Variants in FOXP2 observed in about 807,000 individuals in gnomAD.
FOXP2 encodes forkhead box protein P2.
FOXP2 carries 12 observed loss-of-function variants against 115.8 expected under a neutral mutation model. The observed-to-expected ratio is 0.10, with a 90% CI of 0.07 to 0.17. FOXP2 has a LOEUF of 0.17. Among genes scored for constraint, FOXP2 ranks in the 10% least tolerant of loss-of-function variants. The pLI is 1.00. For missense variants in FOXP2, 629 were observed against 843.5 expected (o/e 0.75, Z 3.15); for synonymous variants, 328 against 297.7 (o/e 1.10, Z -1.05).
At chr7:114,662,863 A>G (rs1806949795) in intron 14 of FOXP2, among the ~76,000 whole-genome samples, 1 of 152,148 alleles carries the variant, frequency 6.6e-6, no homozygotes, top group Admixed American at 6.6e-5. Context: ...AACTCCATGT[A>G]GAATTTACTT....
intron 1 of FOXP2, among the ~76,000 whole-genome samples, chr7:114,170,643 G>T (rs1203369380): frequency 1.3e-5 from 2 of 152,190 alleles, no homozygotes; most frequent in African/African-American, 4.8e-5. Flanking sequence ...AAGTTTTAGT[G>T]GTCTGGAGAA....
intron 1 of FOXP2, among the ~76,000 whole-genome samples, chr7:114,102,108 A>G (rs915455106): frequency 3.9e-5 from 6 of 151,992 alleles, no homozygotes; most frequent in Middle Eastern, 3.4e-3. Context: ...TCTCATTTTG[A>G]GCATTTATTA....
At chr7:114,137,732 GAGT>G (rs1175586189) in intron 1 of FOXP2, among the ~76,000 whole-genome samples, 2 of 152,170 alleles carry the variant, frequency 1.3e-5, no homozygotes, top group Non-Finnish European at 2.9e-5. Context: ...GTAAGAGGAA[GAGT>G]CTAGAAAAGC....
intron 2 of FOXP2, among the ~76,000 whole-genome samples, chr7:114,395,890 C>T (rs774876307): frequency 6.6e-6 from 1 of 151,504 alleles, no homozygotes; most frequent in African/African-American, 2.4e-5. Flanking sequence ...AAAATTTTTT[C>T]TAACTACATA....
chr7:114,551,397 TA>T lies in FOXP2; in HGVS notation c.258+16700del, dbSNP rs949770781. On this transcript the variant is annotated intron_variant, in intron 3 of 16. Transcript: ENST00000350908. The stretch of plus-strand genomic sequence containing the variant: ...TTAAACAAAACTCGTGGTTTGAGGT[TA>T]AAAAAAAACTGCTTGACAGTTATGG... Among the ~76,000 whole-genome samples the T allele has an allele frequency of 1.1e-4, 17 of 151,556 alleles. No individual in the cohort carries two copies. In the South Asian group the frequency reaches 1.2e-3, roughly 11 times the overall value.
intron 2 of FOXP2, among the ~76,000 whole-genome samples, chr7:114,386,919 A>G (rs1223285458): frequency 6.6e-6 from 1 of 152,222 alleles, no homozygotes; most frequent in East Asian, 1.9e-4. Context: ...TTCACTTAAT[A>G]TCCCCCATCT....
intron 1 of FOXP2, among the ~76,000 whole-genome samples, chr7:114,283,373 T>C (rs1796386509): frequency 6.6e-6 from 1 of 152,184 alleles, no homozygotes; most frequent in Non-Finnish European, 1.5e-5. Flanking sequence ...TCCTAATTTA[T>C]AATATATTCT....
chr7:114,175,875 G>A (rs1210032789), intron 1 of FOXP2, among the ~76,000 whole-genome samples: 1 of 151,994 alleles, frequency 6.6e-6, no homozygotes, highest in Non-Finnish European at 1.5e-5. Context: ...TGAAATAATA[G>A]GTACTCATAT....
At chr7:114,368,338 A>G (rs561901708) in intron 2 of FOXP2, among the ~76,000 whole-genome samples, 1 of 152,342 alleles carries the variant, frequency 6.6e-6, no homozygotes, top group South Asian at 2.1e-4. Context: ...CTTTTTTAAA[A>G]AAACCAAACA....
In FOXP2 at chr7:114,391,190, G is replaced by GA. The variant is rs555238683; in HGVS notation, c.-10-35298dup. On this transcript the variant is annotated intron_variant, in intron 2 of 17. Coordinates refer to the FOXP2 transcript ENST00000634411. ...CGACAAGAGCAAGACTCCATCTCAG[G>GA]AAAAAAAAAAAAAATCTGACTTCTC... Among the ~76,000 whole-genome samples, 1,048 of 139,422 alleles carry GA rather than the reference G, an allele frequency of 7.5e-3. 4 individuals carry two copies. The highest frequency in any genetic ancestry group is 0.022 in the Middle Eastern group (6 of 270). The allele number at this position is 139,422 out of a possible 152,430, so 91.5% of individuals were successfully genotyped here.
intron 1 of FOXP2, among the ~76,000 whole-genome samples, chr7:114,189,186 C>T (rs1793691611): frequency 6.6e-6 from 1 of 152,152 alleles, no homozygotes. Context: ...TTAGGATTGA[C>T]TCATTTCATT....
At chr7:114,596,387 G>A (rs1422327365) in intron 3 of FOXP2, among the ~76,000 whole-genome samples, 1 of 152,032 alleles carries the variant, frequency 6.6e-6, no homozygotes, top group African/African-American at 2.4e-5. Flanking sequence ...GCCCAAATCA[G>A]CACCATTTCA....
intron 2 of FOXP2, among the ~76,000 whole-genome samples, chr7:114,486,449 A>G (rs947684746): frequency 2.6e-5 from 4 of 152,094 alleles, no homozygotes; most frequent in African/African-American, 7.2e-5. Flanking sequence ...GGGTGGGGAC[A>G]CAGCCAAACC....
intron 2 of FOXP2, among the ~76,000 whole-genome samples, chr7:114,384,221 CA>C (rs1407366588): frequency 1.7e-4 from 26 of 152,222 alleles, no homozygotes; most frequent in Non-Finnish European, 3.8e-4. Flanking sequence ...GCATGCCCAG[CA>C]TTGCCTTTGT....
chr7:114,686,688 T>C (rs1240068178), intron 16 of FOXP2, among the ~76,000 whole-genome samples: 1 of 152,164 alleles, frequency 6.6e-6, no homozygotes, highest in Non-Finnish European at 1.5e-5. Flanking sequence ...TTGCTTTTGC[T>C]TAAAAGAATA....
intron 3 of FOXP2, among the ~76,000 whole-genome samples, chr7:114,595,162 C>A (rs912584437): frequency 1.3e-5 from 2 of 151,956 alleles, no homozygotes; most frequent in African/African-American, 4.8e-5. Context: ...GTCATTCCTG[C>A]CTAGTAATGA....
chr7:114,657,974 G>C, intron 10 of FOXP2, 92 bp from the exon 11 acceptor site: 1 of 1,370,402 alleles, frequency 7.3e-7, no homozygotes, highest in Non-Finnish European at 1.0e-6. Flanking sequence ...CAACACAGCT[G>C]TAGAAGTGAA....
intron 2 of FOXP2, among the ~76,000 whole-genome samples, chr7:114,307,861 T>C (rs1013536820): frequency 3.3e-5 from 5 of 152,180 alleles, no homozygotes; most frequent in African/African-American, 1.2e-4. Flanking sequence ...TCACATGAAC[T>C]TGTCTGTTTT....
chr7:114,264,927 A>G (rs1180450324), intron 1 of FOXP2, among the ~76,000 whole-genome samples: 1 of 152,158 alleles, frequency 6.6e-6, no homozygotes, highest in African/African-American at 2.4e-5. Context: ...ATGCCAGGAC[A>G]GCATCAAGCC....
Sources: gnomAD v4.1 joint callset for allele counts (sites outside exome capture counted in the v4.1 genomes callset) on GRCh38, gnomAD v4.1.1 for gene constraint, MANE v1.5 for transcripts, NCBI Gene and HGNC (gene_info 2026-07-23, HGNC 2026-07-21) for gene names.